The following PPM1H variants were observed in gnomAD, a reference collection of about 807,000 sequenced individuals.
PPM1H encodes protein phosphatase 1H.
PPM1H carries 27 observed loss-of-function variants against 54.9 expected under a neutral mutation model. The ratio of observed to expected loss-of-function variants is 0.49; its 90% CI spans 0.36 to 0.68. The LOEUF is 0.68. PPM1H is among the 30% of genes least tolerant of loss of function. PPM1H has a pLI of 0.00. For missense variants in PPM1H, 596 were observed against 667.8 expected (o/e 0.89, Z 1.19); for synonymous variants, 305 against 270.8 (o/e 1.13, Z -1.24).
At chr12:62,749,722 A>G (rs2076430948) in intron 4 of PPM1H, among the ~76,000 whole-genome samples, 1 of 152,258 alleles carries the variant, frequency 6.6e-6, no homozygotes, top group East Asian at 1.9e-4. Flanking sequence ...TCATTTAACA[A>G]GACCCCAACT....
chr12:62,677,268 A>T (rs1407747347), intron 8 of PPM1H, among the ~76,000 whole-genome samples: 1 of 152,204 alleles, frequency 6.6e-6, no homozygotes, highest in African/African-American at 2.4e-5. Flanking sequence ...TGGATGTGGG[A>T]CAAGAACTCA....
intron 8 of PPM1H, 137 bp from the exon 9 acceptor site, chr12:62,667,466 A>T: frequency 1.3e-6 from 1 of 767,630 alleles, no homozygotes. Flanking sequence ...GTACTTGATT[A>T]TACAGCGAGC....
chr12:62,826,998 T>A (rs1244498980), intron 2 of PPM1H, among the ~76,000 whole-genome samples: 3 of 152,186 alleles, frequency 2.0e-5, no homozygotes. Flanking sequence ...AACCCCACTG[T>A]CATCATGTTT....
chr12:62,839,874 C>CAAAAAAAAAAAAAAAAA lies in PPM1H; in HGVS notation c.246-7596_246-7595insTTTTTTTTTTTTTTTTT, dbSNP rs746381032. On this transcript the variant is annotated intron_variant, in intron 1 of 9. Transcript: ENST00000228705. ...TCAACATGGTGTGATCCTGTTTCTA[C>CAAAAAAAAAAAAAAAAA]AAAAAAAAAAAAAAAACACCCAGTG... 5.2e-4 allele frequency among the ~76,000 whole-genome samples: 44 copies of CAAAAAAAAAAAAAAAAA among 84,232 alleles called. 1 individual carries two copies. Among genetic ancestry groups the CAAAAAAAAAAAAAAAAA allele is most frequent in the African/African-American group, 2.1e-3 (43 of 20,364 alleles). 55.3% of individuals were successfully genotyped at this position (84,232 alleles called of 152,430 possible). A position where few individuals can be genotyped will look rare whatever the true frequency, so the allele number is the denominator to read the frequency against.
At chr12:62,682,153 T>C (rs1203987593) in intron 8 of PPM1H, among the ~76,000 whole-genome samples, 3 of 152,240 alleles carry the variant, frequency 2.0e-5, no homozygotes, top group African/African-American at 7.2e-5. Context: ...AACAAATTTT[T>C]CTTCCTCTTC....
intron 9 of PPM1H, among the ~76,000 whole-genome samples, chr12:62,666,916 G>T (rs890949288): frequency 3.3e-5 from 5 of 152,146 alleles, no homozygotes; most frequent in African/African-American, 1.2e-4. Context: ...GTTTCACCAT[G>T]TTGGCCAGGC....
At chr12:62,712,180 T>C (rs2076211309) in intron 6 of PPM1H, among the ~76,000 whole-genome samples, 1 of 151,974 alleles carries the variant, frequency 6.6e-6, no homozygotes, top group Admixed American at 6.6e-5. Flanking sequence ...CACAGGGACT[T>C]TTCAGGTGCC....
chr12:62,646,211 TATA>T lies in PPM1H; in HGVS notation c.*2275_*2277del, dbSNP rs1226100426. ...CAGCAGGACTAAGTGCTCAAGATTT[TATA>T]ATATTTCGATTTAGAGGTTTCTAGA... is the stretch of plus-strand genomic sequence containing the variant. On this transcript the variant is annotated 3_prime_UTR_variant, in exon 10 of 10. Coordinates refer to ENST00000228705, the MANE Select transcript of PPM1H (RefSeq NM_020700.2). 1 of 152,226 alleles carries T rather than the reference TATA, an allele frequency of 6.6e-6. No homozygotes were observed. The highest frequency in any genetic ancestry group is 1.9e-4 in the East Asian group (1 of 5,192). 9.4% of individuals were successfully genotyped at this position (152,226 alleles called of 1,614,324 possible).
At chr12:62,895,575 A>G (rs903508717) in intron 1 of PPM1H, among the ~76,000 whole-genome samples, 9 of 152,136 alleles carry the variant, frequency 5.9e-5, no homozygotes, top group South Asian at 2.1e-4. Flanking sequence ...CTGATCCCCA[A>G]TGTTGAATGT....
At chr12:62,873,832 T>C (rs1870071547) in intron 1 of PPM1H, among the ~76,000 whole-genome samples, 1 of 152,156 alleles carries the variant, frequency 6.6e-6, no homozygotes, top group South Asian at 2.1e-4. Flanking sequence ...ATTACGATAA[T>C]TGCCTAAGGG....
chr12:62,757,911 G>A (rs1592583251), intron 4 of PPM1H, among the ~76,000 whole-genome samples: 1 of 152,186 alleles, frequency 6.6e-6, no homozygotes, highest in South Asian at 2.1e-4. Context: ...AAAAGCAGAT[G>A]GAGGCTTCCC....
intron 4 of PPM1H, among the ~76,000 whole-genome samples, chr12:62,773,903 C>T (rs888227516): frequency 1.3e-5 from 2 of 152,140 alleles, no homozygotes; most frequent in African/African-American, 4.8e-5. Flanking sequence ...TCTTTATGCT[C>T]TAGGTTTGGA....
At chr12:62,736,195 GA>G (rs148577715) in intron 5 of PPM1H, among the ~76,000 whole-genome samples, 3,302 of 152,308 alleles carry the variant, frequency 0.022, 55 homozygotes, top group East Asian at 0.066. Flanking sequence ...TTGCAGCTCA[GA>G]GGCCCTTGGT....
At chr12:62,793,884 C>T (rs1453812708) in intron 3 of PPM1H, among the ~76,000 whole-genome samples, 2 of 151,960 alleles carry the variant, frequency 1.3e-5, no homozygotes, top group Non-Finnish European at 2.9e-5. Flanking sequence ...ACTCCAAGGT[C>T]ATTCTTTGTT....
At chr12:62,913,393 G>C (rs1452922007) in intron 1 of PPM1H, among the ~76,000 whole-genome samples, 1 of 152,156 alleles carries the variant, frequency 6.6e-6, no homozygotes, top group Non-Finnish European at 1.5e-5. Context: ...CACTACAGGT[G>C]AGCGTTTTCC....
chr12:62,836,180 G>A (rs1315947352), intron 1 of PPM1H, among the ~76,000 whole-genome samples: 2 of 152,204 alleles, frequency 1.3e-5, no homozygotes, highest in Admixed American at 6.5e-5. Flanking sequence ...GGTGGACCAC[G>A]AATCATCATA....
At chr12:62,666,955 A>G (rs901092260) in intron 9 of PPM1H, among the ~76,000 whole-genome samples, 2 of 151,794 alleles carry the variant, frequency 1.3e-5, no homozygotes, top group African/African-American at 4.8e-5. Context: ...CTCATGATTC[A>G]CCCGCCTTGG....
Position 62,667,209 on chromosome 12 carries a change from G to T in PPM1H, c.1366C>A (p.Leu456Ile). Residue 456 changes from leucine (L) to isoleucine (I), a missense_variant, in exon 9 of 10, where the codon CTT becomes ATT. Leu to Ile is a conservative substitution (Grantham distance 5). Around this residue, in one of 3 missense-constraint regions of PPM1H, gnomAD observed 208 missense variants for 259.5 expected, o/e 0.80. Coordinates refer to ENST00000228705, the MANE Select transcript of PPM1H (RefSeq NM_020700.2). ...GGATCATCTGGATCACAGTTAGGAA[G>T]AAACTGAGTGATTGCTTCTGCTACT... ...EEVAEAITQF[L>I]PNCDPDDPHR... is the part of the protein sequence containing the mutation. 1 of 1,601,544 alleles carries T rather than the reference G, an allele frequency of 6.2e-7. No individual in the cohort carries two copies. The highest frequency in any genetic ancestry group is 8.6e-7 in the Non-Finnish European group (1 of 1,168,720).
chr12:62,734,756 G>A (rs1184626594), intron 5 of PPM1H, among the ~76,000 whole-genome samples: 1 of 152,158 alleles, frequency 6.6e-6, no homozygotes, highest in Non-Finnish European at 1.5e-5. Flanking sequence ...AAGAGCAGGA[G>A]GTGGGCTGTG....
Sources: allele counts gnomAD v4.1 joint callset (sites outside exome capture counted in the v4.1 genomes callset), GRCh38; gene constraint gnomAD v4.1.1; regional missense constraint gnomAD v4.1.1; transcripts MANE v1.5; gene names NCBI Gene and HGNC (gene_info 2026-07-23, HGNC 2026-07-21).